The following BTLA variants were observed in gnomAD, a reference collection of about 807,000 sequenced individuals.
BTLA encodes B- and T-lymphocyte attenuator.
In BTLA, 11 loss-of-function variants were observed where a neutral mutation model predicts 25.0. That is an observed-to-expected ratio of 0.44 (90% confidence interval 0.28 to 0.73). BTLA has a LOEUF of 0.73. BTLA is among the 30% of genes least tolerant of loss of function. The pLI, the probability that BTLA is intolerant of heterozygous loss-of-function variation, is 0.15. For synonymous variants in BTLA, 104 were observed against 119.8 expected, an observed-to-expected ratio of 0.87 and a Z score of 0.86; for missense variants, 282 against 332.8, an observed-to-expected ratio of 0.85 and a Z score of 1.19.
chr3:112,492,448 T>G (rs146289978), intron 1 of BTLA, among the ~76,000 whole-genome samples: 89 of 152,356 alleles, frequency 5.8e-4, no homozygotes, highest in Admixed American at 1.4e-3. Flanking sequence ...AGTGAGTGCC[T>G]CTGGCATTTG....
At chr3:112,483,356 C>T (rs759005962) in intron 1 of BTLA, among the ~76,000 whole-genome samples, 7 of 151,650 alleles carry the variant, frequency 4.6e-5, no homozygotes, top group Non-Finnish European at 8.8e-5. Flanking sequence ...TTATGTTGGT[C>T]AGGCTGGTCT....
chr3:112,483,241 C>T (rs552954250), intron 1 of BTLA, among the ~76,000 whole-genome samples: 114 of 150,318 alleles, frequency 7.6e-4, no homozygotes, highest in African/African-American at 2.6e-3. Flanking sequence ...CTCTGCCTCC[C>T]GGGTTTAAGC....
intron 2 of BTLA, among the ~76,000 whole-genome samples, chr3:112,471,620 T>C (rs1329625144): frequency 2.6e-5 from 4 of 152,242 alleles, no homozygotes; most frequent in Non-Finnish European, 5.9e-5. Context: ...ATCTTCATGA[T>C]AACTGTCAGA....
intron 1 of BTLA, among the ~76,000 whole-genome samples, chr3:112,498,181 G>A (rs2082420328): frequency 6.6e-6 from 1 of 152,300 alleles, no homozygotes; most frequent in East Asian, 1.9e-4. Context: ...GTGCAGTAGA[G>A]TGTTGCAGTG....
Position 112,465,957 on chromosome 3 carries a change from C to T in BTLA, c.*151G>A, listed in dbSNP as rs1428448758. ...TCTGAGAGAAATTTTAATCATTTAT[C>T]CTATGGACCCTTAAGACCCAAGCAC... On this transcript the variant is annotated 3_prime_UTR_variant, in exon 5 of 5. Coordinates refer to ENST00000334529, the MANE Select transcript of BTLA (RefSeq NM_181780.4). 18 of 778,734 alleles carry T rather than the reference C, an allele frequency of 2.3e-5. No individual in the cohort carries two copies. The highest frequency in any genetic ancestry group is 3.1e-5 in the Non-Finnish European group (16 of 523,196). 48.2% of individuals were successfully genotyped at this position (778,734 alleles called of 1,614,324 possible).
At chr3:112,478,338 A>ATTTG (rs768860630) in intron 2 of BTLA, among the ~76,000 whole-genome samples, 4 of 152,176 alleles carry the variant, frequency 2.6e-5, no homozygotes, top group Non-Finnish European at 4.4e-5. Context: ...TACAACTCTT[A>ATTTG]TACCTCTTTG....
At chr3:112,485,411 A>G (rs2082341094) in intron 1 of BTLA, among the ~76,000 whole-genome samples, 1 of 152,190 alleles carries the variant, frequency 6.6e-6, no homozygotes, top group Non-Finnish European at 1.5e-5. Flanking sequence ...CCTGTTCTGA[A>G]TTATGCATAT....
Position 112,466,305 on chromosome 3 carries a change from T to C in BTLA, c.673A>G (p.Ile225Val). 1 of 1,613,996 alleles carries C rather than the reference T, an allele frequency of 6.2e-7. No individual in the cohort carries two copies. The highest frequency in any genetic ancestry group is 8.5e-7 in the Non-Finnish European group (1 of 1,179,904). ...CAAAGGTCAGGGTCATTATCATAAA[T>C]TCCAGTTTCTGATAGCAGTACTTGG... ...NSQVLLSETGIYDNDPDLCFR... is the reference protein window; with the variant it reads ...NSQVLLSETGVYDNDPDLCFR... Residue 225 changes from isoleucine (I) to valine (V), a missense_variant, in exon 5 of 5, where the codon ATT (isoleucine) becomes GTT (valine). Around this residue, in one of 2 missense-constraint regions of BTLA, gnomAD observed 119 missense variants for 102.3 expected, o/e 1.16. Coordinates refer to ENST00000334529, the MANE Select transcript of BTLA (RefSeq NM_181780.4).
chr3:112,479,772 A>G lies in BTLA; in HGVS notation c.89-3T>C. ...CTGTACATCACATGATTCTTTCCCT[A>G]AAAGATAAAAACAAAACTAAAATCA... On this transcript the variant is annotated splice_polypyrimidine_tract_variant and splice_region_variant and intron_variant, in intron 1 of 4. Coordinates refer to ENST00000334529, the MANE Select transcript of BTLA (RefSeq NM_181780.4). 1 of 1,571,336 alleles carries G rather than the reference A, an allele frequency of 6.4e-7. No individual in the cohort carries two copies. Among genetic ancestry groups the G allele is most frequent in the Non-Finnish European group, 8.6e-7 (1 of 1,157,996 alleles).
At chr3:112,471,430 G>T in intron 2 of BTLA, 75 bp from the exon 3 acceptor site, 1 of 1,467,520 alleles carries the variant, frequency 6.8e-7, no homozygotes, top group Non-Finnish European at 9.2e-7. Flanking sequence ...CCTCTGCATT[G>T]TCAGAACTTG....
chr3:112,471,462 A>G, intron 2 of BTLA, 107 bp from the exon 3 acceptor site: 3 of 1,220,238 alleles, frequency 2.5e-6, no homozygotes, highest in East Asian at 2.4e-5. Context: ...TTTCAGGCCA[A>G]TGCCTCCATT....
chr3:112,466,975 T>C (rs2082231821), intron 4 of BTLA, among the ~76,000 whole-genome samples: 1 of 134,042 alleles, frequency 7.5e-6, no homozygotes, highest in Admixed American at 7.7e-5. Context: ...TTTTTTTTTT[T>C]TGAGACGGAG....
intron 1 of BTLA, among the ~76,000 whole-genome samples, chr3:112,484,066 C>A (rs1447760711): frequency 6.6e-6 from 1 of 151,978 alleles, no homozygotes; most frequent in Non-Finnish European, 1.5e-5. Flanking sequence ...TTGAGCTGAA[C>A]CTTGGTGAAT....
At chr3:112,478,166 A>G (rs2082299177) in intron 2 of BTLA, among the ~76,000 whole-genome samples, 1 of 152,082 alleles carries the variant, frequency 6.6e-6, no homozygotes. Context: ...TAGCAACAAA[A>G]AGCTGTTAGG....
At chr3:112,479,308 T>C in intron 2 of BTLA, 147 bp downstream of exon 2, 1 of 722,096 alleles carries the variant, frequency 1.4e-6, no homozygotes, top group Non-Finnish European at 2.3e-6. Context: ...ATGTACACAC[T>C]GGCACATAAC....
intron 4 of BTLA, 110 bp downstream of exon 4, chr3:112,469,648 T>G (rs1260158804): frequency 4.3e-6 from 2 of 465,996 alleles, no homozygotes; most frequent in Non-Finnish European, 7.2e-6. Context: ...TATATATATA[T>G]AGTACATAGA....
intron 1 of BTLA, among the ~76,000 whole-genome samples, chr3:112,494,383 A>C (rs1159834034): frequency 6.6e-6 from 1 of 152,180 alleles, no homozygotes; most frequent in Non-Finnish European, 1.5e-5. Flanking sequence ...ATACCATTTG[A>C]CCCAGCAATC....
At chr3:112,475,407 G>C (rs1340098912) in intron 2 of BTLA, among the ~76,000 whole-genome samples, 1 of 152,136 alleles carries the variant, frequency 6.6e-6, no homozygotes. Flanking sequence ...CAAGGCACAG[G>C]ATTTAGGAGG....
Position 112,497,681 on chromosome 3 carries a change from A to T in BTLA, c.88+1590T>A, listed in dbSNP as rs557339994. Among the ~76,000 whole-genome samples the T allele has an allele frequency of 3.3e-5, 5 of 152,254 alleles. No individual in the cohort carries two copies. In the South Asian group the frequency reaches 8.3e-4, roughly 25 times the overall value. ...GACTTAATACTAGATACTTACAAAC[A>T]TAAAGATGTTTGAGTAACTAAGGAC... On this transcript the variant is annotated intron_variant, in intron 1 of 4. Coordinates refer to ENST00000334529, the MANE Select transcript of BTLA (RefSeq NM_181780.4).
Sources: allele counts gnomAD v4.1 joint callset (sites outside exome capture counted in the v4.1 genomes callset), GRCh38; gene constraint gnomAD v4.1.1; regional missense constraint gnomAD v4.1.1; transcripts MANE v1.5; gene names NCBI Gene and HGNC (gene_info 2026-07-23, HGNC 2026-07-21).